NR3C2: variants seen among roughly 807,000 people sequenced by gnomAD.
NR3C2 encodes the protein nuclear receptor subfamily 3 group C member 2.
NR3C2 carries 15 observed loss-of-function variants against 86.4 expected under a neutral mutation model. That is an observed-to-expected ratio of 0.17 (90% CI 0.12 to 0.27). The LOEUF (loss-of-function observed/expected upper bound fraction) is 0.27. Among genes scored for constraint, NR3C2 ranks in the 10% least tolerant of loss-of-function variants. The pLI is 1.00. For missense variants in NR3C2, 960 were observed against 1,195.6 expected (o/e 0.80, Z 2.91); for synonymous variants, 458 against 450.5 (o/e 1.02, Z -0.21).
intron 2 of NR3C2, among the ~76,000 whole-genome samples, chr4:148,316,420 C>T (rs946712559): frequency 3.3e-5 from 5 of 151,962 alleles, no homozygotes; most frequent in Non-Finnish European, 5.9e-5. Context: ...ATTTACTTTC[C>T]GAGAAGCCAC....
intron 6 of NR3C2, among the ~76,000 whole-genome samples, chr4:148,148,915 T>C (rs563311022): frequency 3.2e-4 from 48 of 152,352 alleles, no homozygotes; most frequent in Admixed American, 4.6e-4. Flanking sequence ...ATTCCTGGAA[T>C]AAATGCAAGA....
intron 2 of NR3C2, among the ~76,000 whole-genome samples, chr4:148,289,773 T>G (rs531170638): frequency 2.0e-5 from 3 of 152,298 alleles, no homozygotes; most frequent in Non-Finnish European, 2.9e-5. Flanking sequence ...TCTGTCTCCC[T>G]TCCTCCCTTT....
At chr4:148,349,243 C>T (rs370068404) in intron 2 of NR3C2, among the ~76,000 whole-genome samples, 1 of 152,064 alleles carries the variant, frequency 6.6e-6, no homozygotes, top group South Asian at 2.1e-4. Context: ...GTACAAACGA[C>T]GCAAAATGAG....
intron 8 of NR3C2, among the ~76,000 whole-genome samples, chr4:148,084,182 T>C (rs1305472552): frequency 2.0e-5 from 3 of 152,014 alleles, no homozygotes; most frequent in South Asian, 4.2e-4. Flanking sequence ...ACAAAGATAC[T>C]CCACAAGAAG....
intron 8 of NR3C2, among the ~76,000 whole-genome samples, chr4:148,107,319 T>G (rs977836829): frequency 6.6e-6 from 1 of 152,208 alleles, no homozygotes; most frequent in African/African-American, 2.4e-5. Context: ...CCAGTCAGAA[T>G]GGCAATTATT....
At chr4:148,176,778 T>C (rs1385997206) in intron 4 of NR3C2, among the ~76,000 whole-genome samples, 1 of 152,242 alleles carries the variant, frequency 6.6e-6, no homozygotes. Context: ...AGGCATGTGA[T>C]GGGTTTTTGC....
At chr4:148,090,214 T>C (rs1032820631) in intron 8 of NR3C2, among the ~76,000 whole-genome samples, 1 of 152,194 alleles carries the variant, frequency 6.6e-6, no homozygotes, top group Non-Finnish European at 1.5e-5. Flanking sequence ...TGTGTTCTTT[T>C]CTACTAAGCA....
chr4:148,433,635 C>G (rs546352593), intron 2 of NR3C2, among the ~76,000 whole-genome samples: 1 of 152,152 alleles, frequency 6.6e-6, no homozygotes, highest in African/African-American at 2.4e-5. Context: ...TCCCCTTATA[C>G]AGTTGAGAAA....
Position 148,280,906 on chromosome 4 carries a change from C to T in NR3C2, c.1758-20789G>A, listed in dbSNP as rs113259947. Among the ~76,000 whole-genome samples, 749 of 152,260 alleles carry T rather than the reference C, an allele frequency of 4.9e-3. 7 individuals are homozygous for T. The highest frequency in any genetic ancestry group is 0.018 in the African/African-American group (728 of 41,532). On this transcript the variant is annotated intron_variant, in intron 2 of 8. Transcript: ENST00000358102. The stretch of plus-strand genomic sequence containing the variant: ...CACAGATTAATGTGTGTACTAATTC[C>T]TCTTTTAGACGAATCTTTATTAAAC...
chr4:148,344,812 A>C (rs1744913676), intron 2 of NR3C2, among the ~76,000 whole-genome samples: 1 of 152,200 alleles, frequency 6.6e-6, no homozygotes, highest in Non-Finnish European at 1.5e-5. Context: ...GCTGGATTTG[A>C]ATCTAATACT....
chr4:148,207,169 C>T (rs1737048230), intron 3 of NR3C2, among the ~76,000 whole-genome samples: 1 of 152,114 alleles, frequency 6.6e-6, no homozygotes, highest in Non-Finnish European at 1.5e-5. Flanking sequence ...GTGATCCTCC[C>T]AAAGTGCTGG....
intron 2 of NR3C2, among the ~76,000 whole-genome samples, chr4:148,310,425 CACAGT>C (rs1370089997): frequency 6.6e-6 from 1 of 152,200 alleles, no homozygotes; most frequent in Non-Finnish European, 1.5e-5. Context: ...TCCCAGGCAT[CACAGT>C]ACATTTCCCT....
intron 2 of NR3C2, among the ~76,000 whole-genome samples, chr4:148,427,332 T>G (rs1441515292): frequency 6.6e-6 from 1 of 152,066 alleles, no homozygotes; most frequent in Admixed American, 6.5e-5. Flanking sequence ...ACTTTACTAT[T>G]TCTACTCAAA....
chr4:148,415,158 T>C (rs1416771983), intron 2 of NR3C2, among the ~76,000 whole-genome samples: 1 of 152,066 alleles, frequency 6.6e-6, no homozygotes, highest in Non-Finnish European at 1.5e-5. Flanking sequence ...ACAGTGCAAC[T>C]TAAAATAATA....
At chr4:148,183,168 T>C (rs1350942762) in intron 4 of NR3C2, among the ~76,000 whole-genome samples, 2 of 152,250 alleles carry the variant, frequency 1.3e-5, no homozygotes, top group African/African-American at 2.4e-5. Flanking sequence ...TTTTTATGGC[T>C]GCATAGTATT....
At chr4:148,401,840 A>G (rs1217946524) in intron 2 of NR3C2, among the ~76,000 whole-genome samples, 3 of 152,134 alleles carry the variant, frequency 2.0e-5, no homozygotes, top group African/African-American at 7.2e-5. Flanking sequence ...CCAGGAGGAT[A>G]AGGCCAAAGG....
intron 2 of NR3C2, among the ~76,000 whole-genome samples, chr4:148,266,072 C>A (rs918658522): frequency 7.8e-6 from 1 of 127,414 alleles, no homozygotes; most frequent in Non-Finnish European, 1.6e-5. Context: ...CTCCAGAAGG[C>A]CGCTTTTTTT....
At chr4:148,444,292 C>A (rs1750490294), upstream of NR3C2, 2 of 985,442 alleles carry the variant, frequency 2.0e-6, no homozygotes, top group Middle Eastern at 5.2e-4. Flanking sequence ...CAGCTTCTTG[C>A]AAAATCTAGG....
intron 2 of NR3C2, among the ~76,000 whole-genome samples, chr4:148,302,033 C>A (rs576644321): frequency 1.3e-5 from 2 of 152,198 alleles, no homozygotes; most frequent in African/African-American, 2.4e-5. Flanking sequence ...CAGAGATAAC[C>A]AGATTTCTTT....
Sources: allele counts gnomAD v4.1 joint callset (sites outside exome capture counted in the v4.1 genomes callset), GRCh38; gene constraint gnomAD v4.1.1; transcripts MANE v1.5; gene names NCBI Gene and HGNC (gene_info 2026-07-23, HGNC 2026-07-21).